Variants in AAK1 observed in about 807,000 individuals in gnomAD.
AAK1 encodes AP2-associated protein kinase 1.
In AAK1, 37 loss-of-function variants were observed where a neutral mutation model predicts 116.0. The observed-to-expected ratio is 0.32, with a 90% CI of 0.25 to 0.42. The LOEUF (loss-of-function observed/expected upper bound fraction) is 0.42, where lower values mean the gene tolerates loss of function less well. Ranked by LOEUF, AAK1 falls within the 10% of genes least tolerant of loss-of-function variation. AAK1 has a pLI of 1.00. For synonymous variants in AAK1, 458 were observed against 439.9 expected (o/e 1.04, Z -0.51); for missense variants, 919 against 1,170.6 (o/e 0.79, Z 3.14).
chr2:69,636,020 A>G (rs530318781), intron 2 of AAK1, among the ~76,000 whole-genome samples: 1 of 152,200 alleles, frequency 6.6e-6, no homozygotes, highest in South Asian at 2.1e-4. Context: ...CAACACTAGC[A>G]CTCCCATTCA....
At chr2:69,590,826 G>A (rs925378035) in intron 2 of AAK1, among the ~76,000 whole-genome samples, 14 of 152,124 alleles carry the variant, frequency 9.2e-5, no homozygotes, top group African/African-American at 3.1e-4. Flanking sequence ...AATAAATCAC[G>A]AGAGATTTAA....
chr2:69,561,249 C>T (rs1671622334), intron 2 of AAK1, among the ~76,000 whole-genome samples: 1 of 152,134 alleles, frequency 6.6e-6, no homozygotes, highest in Non-Finnish European at 1.5e-5. Flanking sequence ...AGTGACACAG[C>T]TCATGTTCCA....
chr2:69,474,292 G>C lies in AAK1; in HGVS notation c.*1577C>G. 5.1e-6 allele frequency: 5 copies of C among 985,850 alleles called. No individual in the cohort carries two copies. The South Asian group carries it at 1.9e-4, about 37-fold the overall frequency. 61.1% of individuals were successfully genotyped at this position (985,850 alleles called of 1,614,324 possible). A position where few individuals can be genotyped will look rare whatever the true frequency, so the allele number is the denominator to read the frequency against. ...TATTTGTACAGATCTGATTAACTAA[G>C]AGTTTCCCTTTTGATGATGGACAAT... On this transcript the variant is annotated 3_prime_UTR_variant, in exon 22 of 22. Coordinates refer to ENST00000409085, the MANE Select transcript of AAK1 (RefSeq NM_014911.5).
intron 5 of AAK1, among the ~76,000 whole-genome samples, chr2:69,540,422 C>T (rs1670660159): frequency 6.6e-6 from 1 of 152,076 alleles, no homozygotes; most frequent in African/African-American, 2.4e-5. Flanking sequence ...CGCCCGGCCA[C>T]ATTCCTCTAT....
In AAK1 at chr2:69,473,329, C is replaced by T. The variant is rs932586731; in HGVS notation, c.*2540G>A. 2.0e-6 allele frequency: 2 copies of T among 985,340 alleles called. No individual in the cohort carries two copies. The highest frequency in any genetic ancestry group is 3.5e-5 in the African/African-American group (2 of 57,230). The allele number at this position is 985,340 out of a possible 1,614,324, so 61.0% of individuals were successfully genotyped here. A position where few individuals can be genotyped will look rare whatever the true frequency, so the allele number is the denominator to read the frequency against. ...TCCCTTTGTAGCTCAGGCTATGATT[C>T]CACAGGTACCAGGACACTATGCTCA... On this transcript the variant is annotated 3_prime_UTR_variant, in exon 22 of 22. Transcript: ENST00000409085.
At chr2:69,640,047 A>ACTCTCTCTCTCTCTCT in intron 2 of AAK1, among the ~76,000 whole-genome samples, 1 of 135,620 alleles carries the variant, frequency 7.4e-6, no homozygotes, top group Admixed American at 7.1e-5. Flanking sequence ...ACACACACAC[A>ACTCTCTCTCTCTCTCT]CACACACTCT....
At chr2:69,610,787 G>A (rs1033892171) in intron 2 of AAK1, among the ~76,000 whole-genome samples, 2 of 152,154 alleles carry the variant, frequency 1.3e-5, no homozygotes, top group African/African-American at 4.8e-5. Flanking sequence ...TTAGTCATTA[G>A]GGAAATGTAA....
chr2:69,581,637 T>C (rs567813132), intron 2 of AAK1, among the ~76,000 whole-genome samples: 14 of 152,208 alleles, frequency 9.2e-5, no homozygotes, highest in Non-Finnish European at 2.1e-4. Context: ...ACATTTATGA[T>C]AACAGGTTGA....
At chr2:69,612,077 G>C (rs938665175) in intron 2 of AAK1, among the ~76,000 whole-genome samples, 2 of 152,174 alleles carry the variant, frequency 1.3e-5, no homozygotes, top group Non-Finnish European at 2.9e-5. Context: ...ATGGATGGTG[G>C]TCATGAGTAC....
chr2:69,516,300 A>T (rs1480526058), intron 12 of AAK1, among the ~76,000 whole-genome samples: 1 of 151,632 alleles, frequency 6.6e-6, no homozygotes, highest in African/African-American at 2.4e-5. Context: ...TGCTGTTAAG[A>T]ATCAAGATTT....
intron 2 of AAK1, among the ~76,000 whole-genome samples, chr2:69,608,303 A>T (rs1219990486): frequency 6.6e-6 from 1 of 152,234 alleles, no homozygotes; most frequent in Non-Finnish European, 1.5e-5. Flanking sequence ...AGCTTGGCAG[A>T]GGGAGTGGCA....
chr2:69,607,086 T>C (rs564869552), intron 2 of AAK1, among the ~76,000 whole-genome samples: 157 of 147,452 alleles, frequency 1.1e-3, no homozygotes, highest in African/African-American at 3.8e-3. Flanking sequence ...TAGATTGTGA[T>C]AAACGCTGTG....
intron 2 of AAK1, among the ~76,000 whole-genome samples, chr2:69,635,077 T>C (rs539819732): frequency 9.2e-5 from 14 of 152,324 alleles, no homozygotes; most frequent in East Asian, 1.9e-4. Flanking sequence ...TGATAAGGAA[T>C]TGATACCCAG....
At chr2:69,541,459 T>A (rs556348758) in intron 5 of AAK1, among the ~76,000 whole-genome samples, 2 of 152,180 alleles carry the variant, frequency 1.3e-5, no homozygotes, top group Non-Finnish European at 2.9e-5. Context: ...CTCATACTCC[T>A]GATCTCAAGT....
Position 69,467,257 on chromosome 2 carries a change from C to T in AAK1, c.*8612G>A, listed in dbSNP as rs1674517848. The T allele has an allele frequency of 4.1e-6, 4 of 985,262 alleles. No individual in the cohort carries two copies. The highest frequency in any genetic ancestry group is 3.6e-6 in the Non-Finnish European group (3 of 829,928). The allele number at this position is 985,262 out of a possible 1,614,324, so 61.0% of individuals were successfully genotyped here. On this transcript the variant is annotated 3_prime_UTR_variant, in exon 22 of 22. Coordinates refer to ENST00000409085, the MANE Select transcript of AAK1 (RefSeq NM_014911.5). ...ATCTCCTCTGCTTAAATGAATCTGC[C>T]ATAAAGTTCTTTAAGCAGAAGGAGT... is the stretch of plus-strand genomic sequence containing the variant.
Position 69,466,759 on chromosome 2 carries a change from T to C in AAK1, c.*9110A>G, listed in dbSNP as rs1674499873. 2.0e-6 allele frequency: 2 copies of C among 985,332 alleles called. No individual in the cohort carries two copies. The highest frequency in any genetic ancestry group is 2.4e-6 in the Non-Finnish European group (2 of 829,912). 61.0% of individuals were successfully genotyped at this position (985,332 alleles called of 1,614,324 possible). On this transcript the variant is annotated 3_prime_UTR_variant, in exon 22 of 22. Transcript: ENST00000409085. ...CACTGTCTCACGTTTTGGAACATGA[T>C]AGGCACGACGTACAGGAAAGGAGAT...
chr2:69,524,533 C>G lies in AAK1; in HGVS notation c.1055+500G>C, dbSNP rs562336686. 1.6e-4 allele frequency among the ~76,000 whole-genome samples: 25 copies of G among 152,228 alleles called. No individual in the cohort carries two copies. In the South Asian group the frequency reaches 2.3e-3, roughly 14 times the overall value. ...CACTGCAACCTCCACCTTCCAGGTT[C>G]AAGTGATTCTCCTGCCTCAGCCTCC... On this transcript the variant is annotated intron_variant, in intron 10 of 21. Coordinates refer to ENST00000409085, the MANE Select transcript of AAK1 (RefSeq NM_014911.5).
chr2:69,584,181 C>A (rs899336170), intron 2 of AAK1, among the ~76,000 whole-genome samples: 2 of 152,190 alleles, frequency 1.3e-5, no homozygotes, highest in East Asian at 3.9e-4. Context: ...TCTCTCCCTA[C>A]CCCCTTTAAC....
At chr2:69,558,862 G>A (rs1671506388) in intron 2 of AAK1, among the ~76,000 whole-genome samples, 1 of 152,114 alleles carries the variant, frequency 6.6e-6, no homozygotes, top group African/African-American at 2.4e-5. Context: ...AAGGCTCAGC[G>A]GCACTTTAGT....
Sources: allele counts gnomAD v4.1 joint callset (sites outside exome capture counted in the v4.1 genomes callset), GRCh38; gene constraint gnomAD v4.1.1; transcripts MANE v1.5; gene names NCBI Gene and HGNC (gene_info 2026-07-23, HGNC 2026-07-21).